SLX4IP: variants seen among roughly 807,000 people sequenced by gnomAD.
SLX4IP encodes SLX4 interacting protein.
A neutral mutation model predicts 32.9 loss-of-function variants in SLX4IP; 34 were observed. That is an observed-to-expected ratio of 1.03 (90% CI 0.79 to 1.38). SLX4IP has a LOEUF of 1.38. SLX4IP is among the 40% of genes most tolerant of loss of function. The probability of loss-of-function intolerance (pLI) is 0.00; values close to 1 mark genes in which losing one functional copy is unlikely to be tolerated. For synonymous variants in SLX4IP, 172 were observed against 171.7 expected (o/e 1.00, Z -0.01); for missense variants, 444 against 479.0 (o/e 0.93, Z 0.68).
At chr20:10,500,808 C>G (rs1263271295) in intron 2 of SLX4IP, among the ~76,000 whole-genome samples, 1 of 152,188 alleles carries the variant, frequency 6.6e-6, no homozygotes, top group East Asian at 1.9e-4. Context: ...TCTACCATTG[C>G]ATGCTTTGCC....
intron 2 of SLX4IP, among the ~76,000 whole-genome samples, chr20:10,479,352 C>CTTTTTTCTTTTT (rs1555807614): frequency 1.4e-5 from 1 of 73,722 alleles, no homozygotes; most frequent in Non-Finnish European, 3.3e-5. Flanking sequence ...TTCCATATTT[C>CTTTTTTCTTTTT]TTTTTTTTTT....
intron 2 of SLX4IP, among the ~76,000 whole-genome samples, chr20:10,477,762 A>G (rs1335207017): frequency 2.0e-5 from 3 of 152,244 alleles, no homozygotes; most frequent in Non-Finnish European, 2.9e-5. Flanking sequence ...TAGCTTAATT[A>G]GTAATCAAAG....
chr20:10,527,954 A>G (rs551467612), intron 2 of SLX4IP, among the ~76,000 whole-genome samples: 1 of 152,268 alleles, frequency 6.6e-6, no homozygotes, highest in African/African-American at 2.4e-5. Context: ...GTAATTACAC[A>G]TAACCCCCAG....
chr20:10,523,755 G>A (rs2122453015), intron 2 of SLX4IP, among the ~76,000 whole-genome samples: 1 of 152,340 alleles, frequency 6.6e-6, no homozygotes, highest in East Asian at 1.9e-4. Flanking sequence ...TAGGTGAGAA[G>A]CTCATATTAA....
chr20:10,479,365 T>TA (rs1420923365), intron 2 of SLX4IP, among the ~76,000 whole-genome samples: 2 of 149,904 alleles, frequency 1.3e-5, no homozygotes, highest in African/African-American at 4.9e-5. Context: ...TTTTTTTTTT[T>TA]TTTTTGAGAT....
chr20:10,509,205 G>T (rs1275987874), intron 2 of SLX4IP, among the ~76,000 whole-genome samples: 1 of 152,080 alleles, frequency 6.6e-6, no homozygotes, highest in African/African-American at 2.4e-5. Flanking sequence ...TCAGCATTAG[G>T]GTACTCTGAC....
chr20:10,473,843 A>G (rs1368140478), intron 2 of SLX4IP, among the ~76,000 whole-genome samples: 1 of 146,434 alleles, frequency 6.8e-6, no homozygotes, highest in Non-Finnish European at 1.5e-5. Context: ...TTTTTTTTTG[A>G]AAGGAGTCTT....
chr20:10,598,271 C>T (rs1043242443), intron 4 of SLX4IP, among the ~76,000 whole-genome samples: 2 of 152,114 alleles, frequency 1.3e-5, no homozygotes, highest in Non-Finnish European at 2.9e-5. Context: ...CTTTCATTTA[C>T]TAATTATTAT....
intron 2 of SLX4IP, among the ~76,000 whole-genome samples, chr20:10,493,859 CTTTTTTT>C (rs58299545): frequency 1.4e-5 from 1 of 70,544 alleles, no homozygotes; most frequent in Admixed American, 1.9e-4. Flanking sequence ...TTATAGTTGC[CTTTTTTT>C]TTTTTTTTTT....
Position 10,623,176 on chromosome 20 carries a change from C to T in SLX4IP, c.1024C>T (p.Pro342Ser), listed in dbSNP as rs2067135601. ...RVLPASELSD[P>S]GLLLKQDLAK... Reference sequence around the variant, plus strand: ...TTTGCCAGCTTCAGAGTTGTCAGATCCAGGGTTACTTTTGAAACAAGATTT... The same window carrying T: ...TTTGCCAGCTTCAGAGTTGTCAGATTCAGGGTTACTTTTGAAACAAGATTT... Residue 342 changes from proline (P) to serine (S), a missense_variant, in exon 8 of 8, where the codon CCA (proline) becomes TCA (serine). Physicochemically the swap from Pro to Ser is moderately conservative, Grantham distance 74 (BLOSUM62 -1). Coordinates refer to ENST00000334534, the MANE Select transcript of SLX4IP (RefSeq NM_001009608.3). 1.2e-6 allele frequency: 2 copies of T among 1,614,170 alleles called. No homozygotes were observed. Among genetic ancestry groups the T allele is most frequent in the Non-Finnish European group, 1.7e-6 (2 of 1,180,048 alleles).
chr20:10,440,160 A>G (rs533688593), intron 1 of SLX4IP, among the ~76,000 whole-genome samples: 297 of 146,508 alleles, frequency 2.0e-3, no homozygotes, highest in African/African-American at 7.2e-3. Context: ...TTTTGCATTT[A>G]AAAATTATTC....
intron 1 of SLX4IP, among the ~76,000 whole-genome samples, chr20:10,449,952 TAA>T (rs55747326): frequency 1.4e-5 from 2 of 147,096 alleles, no homozygotes; most frequent in African/African-American, 5.0e-5. Flanking sequence ...TTGATAAAAG[TAA>T]AAAAAAAAAC....
Position 10,603,412 on chromosome 20 carries a change from G to T in SLX4IP, c.405+1593G>T, listed in dbSNP as rs567836300. On this transcript the variant is annotated intron_variant, in intron 6 of 7. Coordinates refer to ENST00000334534, the MANE Select transcript of SLX4IP (RefSeq NM_001009608.3). ...ATCTGGAGGACTTCCTAAACATTGA[G>T]AATTTTCATTCTGAAACTCTCACCG... is the stretch of plus-strand genomic sequence containing the variant. 1.6e-4 allele frequency among the ~76,000 whole-genome samples: 25 copies of T among 152,300 alleles called. No homozygotes were observed. In the South Asian group the frequency reaches 3.1e-3, roughly 19 times the overall value.
At chr20:10,535,139 G>T (rs188676741) in intron 2 of SLX4IP, among the ~76,000 whole-genome samples, 7 of 152,090 alleles carry the variant, frequency 4.6e-5, no homozygotes, top group African/African-American at 7.2e-5. Flanking sequence ...CAGGGAAGAC[G>T]GTTGCAGAAG....
At chr20:10,467,490 T>G (rs1299318378) in intron 2 of SLX4IP, among the ~76,000 whole-genome samples, 2 of 152,222 alleles carry the variant, frequency 1.3e-5, no homozygotes, top group Admixed American at 6.5e-5. Context: ...TCCTGATACT[T>G]AAAGTCTGCA....
At chr20:10,599,747 G>A (rs1177742913) in intron 5 of SLX4IP, among the ~76,000 whole-genome samples, 1 of 152,120 alleles carries the variant, frequency 6.6e-6, no homozygotes, top group African/African-American at 2.4e-5. Context: ...CAACTCTCTA[G>A]TAAAATAAGT....
chr20:10,456,373 G>T (rs2065285457), intron 1 of SLX4IP, among the ~76,000 whole-genome samples: 1 of 152,066 alleles, frequency 6.6e-6, no homozygotes, highest in African/African-American at 2.4e-5. Flanking sequence ...ACGGAGTCTT[G>T]CTCTGTCACC....
chr20:10,523,599 G>A (rs2065917033), intron 2 of SLX4IP, among the ~76,000 whole-genome samples: 1 of 152,226 alleles, frequency 6.6e-6, no homozygotes, highest in South Asian at 2.1e-4. Flanking sequence ...CACCATAGAA[G>A]ACAGGGACCA....
chr20:10,597,755 T>G (rs1459203403), intron 4 of SLX4IP, among the ~76,000 whole-genome samples: 1 of 152,218 alleles, frequency 6.6e-6, no homozygotes, highest in Non-Finnish European at 1.5e-5. Context: ...AAGTTCAGCT[T>G]TAGATACTCA....
Sources: allele counts gnomAD v4.1 joint callset (sites outside exome capture counted in the v4.1 genomes callset), GRCh38; gene constraint gnomAD v4.1.1; transcripts MANE v1.5; gene names NCBI Gene and HGNC (gene_info 2026-07-23, HGNC 2026-07-21).